The following SYTL3 variants were observed in gnomAD, a reference collection of about 807,000 sequenced individuals.
The protein encoded by SYTL3 is synaptotagmin-like protein 3.
SYTL3 carries 88 observed loss-of-function variants against 82.1 expected under a neutral mutation model. That is an observed-to-expected ratio of 1.07 (90% CI 0.90 to 1.28). The LOEUF (loss-of-function observed/expected upper bound fraction) is 1.28. Among genes scored for constraint, SYTL3 ranks in the 50% most tolerant of loss-of-function variants. The probability of loss-of-function intolerance (pLI) is 0.00; values close to 1 mark genes in which losing one functional copy is unlikely to be tolerated. For synonymous variants in SYTL3, 311 were observed against 289.4 expected, an observed-to-expected ratio of 1.07 and a Z score of -0.76; for missense variants, 831 against 757.6, an observed-to-expected ratio of 1.10 and a Z score of -1.14.
intron 11 of SYTL3, among the ~76,000 whole-genome samples, chr6:158,743,099 CTT>C (rs1787146579): frequency 6.6e-6 from 1 of 152,186 alleles, no homozygotes; most frequent in Non-Finnish European, 1.5e-5. Context: ...TTCTGAGTCT[CTT>C]TGCCATTTCA....
At chr6:158,761,972 C>T (rs1790039829) in intron 15 of SYTL3, 104 bp from the exon 16 acceptor site, 1 of 765,292 alleles carries the variant, frequency 1.3e-6, no homozygotes, top group Non-Finnish European at 2.2e-6. Flanking sequence ...GGTCTGAGGG[C>T]TGTAGCAGAT....
chr6:158,753,247 A>G (rs969820576), intron 13 of SYTL3, among the ~76,000 whole-genome samples: 3 of 151,614 alleles, frequency 2.0e-5, no homozygotes, highest in African/African-American at 7.3e-5. Context: ...ATGGCCAGCA[A>G]ATTTTTTGTG....
In SYTL3 at chr6:158,693,845, T is replaced by TTTTAC. The variant is rs1562384145; in HGVS notation, c.394+10859_394+10860insACTTT. 3.8e-4 allele frequency among the ~76,000 whole-genome samples: 29 copies of TTTTAC among 76,814 alleles called. 1 individual carries two copies. Among genetic ancestry groups the TTTTAC allele is most frequent in the South Asian group, 4.4e-4 (1 of 2,258 alleles). The allele number at this position is 76,814 out of a possible 152,430, so 50.4% of individuals were successfully genotyped here. A position where few individuals can be genotyped will look rare whatever the true frequency, so the allele number is the denominator to read the frequency against. On this transcript the variant is annotated intron_variant, in intron 6 of 17. Transcript: ENST00000611299. ...GGTGTGCCACTGCATCCAGCCTTTC[T>TTTTAC]TTTTCTTTTCTTTTTTTTTTTTTTT...
At chr6:158,697,976 T>C (rs1448311015) in intron 6 of SYTL3, among the ~76,000 whole-genome samples, 1 of 152,206 alleles carries the variant, frequency 6.6e-6, no homozygotes, top group Non-Finnish European at 1.5e-5. Flanking sequence ...CTGTTAGTAA[T>C]TGTTGCTCCC....
chr6:158,658,735 G>C lies in SYTL3; in HGVS notation c.-636-2534G>C, dbSNP rs561452282. Among the ~76,000 whole-genome samples the C allele has an allele frequency of 5.3e-5, 8 of 150,824 alleles. No individual in the cohort carries two copies. In the East Asian group the frequency reaches 1.6e-3, roughly 30 times the overall value. ...AAGTCAGGAGTTTGAGACCAGCCTG[G>C]CCAACATGGTGAAACCCTGTCTGTA... On this transcript the variant is annotated intron_variant, in intron 2 of 17. Coordinates refer to ENST00000611299, the MANE Select transcript of SYTL3 (RefSeq NM_001242394.2).
Position 158,665,458 on chromosome 6 carries a change from CAA to C in SYTL3, c.176_177del (p.Lys59ArgfsTer63), listed in dbSNP as rs1403184960. The C allele has an allele frequency of 6.2e-7, 1 of 1,608,982 alleles. No homozygotes were observed. Among genetic ancestry groups the C allele is most frequent in the African/African-American group, 1.3e-5 (1 of 74,876 alleles). The part of the protein sequence containing the change: ...KGAKNTDWEH[K>X]EKCCARCQQV... ...GAGCGAAGAACACGGACTGGGAGCACAAAGAGAAGTGCTGTGCGCGCTGCCAG... is the reference window on the plus strand; with the variant it reads ...GAGCGAAGAACACGGACTGGGAGCACAGAGAAGTGCTGTGCGCGCTGCCAG... On this transcript the variant is annotated frameshift_variant, in exon 5 of 18. Coordinates refer to ENST00000611299, the MANE Select transcript of SYTL3 (RefSeq NM_001242394.2). LOFTEE classifies it high-confidence loss of function.
At position 158,672,029 on chromosome 6, in the gene SYTL3, A is replaced by G. The variant is rs181458202; in HGVS notation, c.329+6416A>G. Among the ~76,000 whole-genome samples the G allele has an allele frequency of 9.3e-4, 140 of 151,312 alleles. 1 individual carries two copies. The highest frequency in any genetic ancestry group is 9.1e-3 in the Admixed American group (139 of 15,220). ...GCCTCCTTAAGAAGTTTTTCCTCAC[A>G]CCTGTAATCCCAGCACTTTGGGAGG... On this transcript the variant is annotated intron_variant, in intron 5 of 17. Transcript: ENST00000611299.
chr6:158,678,516 GT>G (rs1778309650), intron 5 of SYTL3, among the ~76,000 whole-genome samples: 1 of 152,192 alleles, frequency 6.6e-6, no homozygotes, highest in South Asian at 2.1e-4. Flanking sequence ...ATATTTTCTG[GT>G]AGAGTCCTCC....
intron 9 of SYTL3, among the ~76,000 whole-genome samples, chr6:158,714,997 C>G (rs1783189418): frequency 6.6e-6 from 1 of 152,176 alleles, no homozygotes; most frequent in Non-Finnish European, 1.5e-5. Flanking sequence ...GGCCTGTTTG[C>G]TAAGAGCGTT....
intron 5 of SYTL3, among the ~76,000 whole-genome samples, chr6:158,674,688 C>T (rs966672046): frequency 1.3e-5 from 2 of 152,188 alleles, no homozygotes; most frequent in African/African-American, 2.4e-5. Context: ...TAAACAAGTA[C>T]GGCTCTGTCC....
intron 6 of SYTL3, among the ~76,000 whole-genome samples, chr6:158,699,640 T>A (rs1193575124): frequency 1.3e-5 from 2 of 152,100 alleles, no homozygotes. Flanking sequence ...ATTCTTTTTT[T>A]ATTATTATTT....
At chr6:158,687,200 G>T (rs1779392537) in intron 6 of SYTL3, among the ~76,000 whole-genome samples, 1 of 152,176 alleles carries the variant, frequency 6.6e-6, no homozygotes, top group Non-Finnish European at 1.5e-5. Flanking sequence ...TCTGTCTTCA[G>T]TGGAAGGCTC....
chr6:158,675,746 G>C (rs1475177143), intron 5 of SYTL3, among the ~76,000 whole-genome samples: 1 of 152,214 alleles, frequency 6.6e-6, no homozygotes, highest in Non-Finnish European at 1.5e-5. Context: ...AGGAGATCGA[G>C]ACCATCCTGG....
At chr6:158,739,870 C>A (rs555695650) in intron 11 of SYTL3, among the ~76,000 whole-genome samples, 2 of 152,250 alleles carry the variant, frequency 1.3e-5, no homozygotes, top group Non-Finnish European at 2.9e-5. Context: ...CTGTGCTTCA[C>A]TCCAAATATT....
At chr6:158,711,913 G>C (rs1318166395) in intron 8 of SYTL3, among the ~76,000 whole-genome samples, 3 of 152,164 alleles carry the variant, frequency 2.0e-5, no homozygotes, top group Non-Finnish European at 4.4e-5. Flanking sequence ...ACTGCAACCT[G>C]TTTTATCAGC....
At chr6:158,748,105 G>A (rs1787902889) in intron 12 of SYTL3, among the ~76,000 whole-genome samples, 1 of 140,788 alleles carries the variant, frequency 7.1e-6, no homozygotes, top group African/African-American at 2.7e-5. Flanking sequence ...ACTTAGATCT[G>A]TTCACATTAC....
At chr6:158,733,971 G>A (rs1004098223) in intron 11 of SYTL3, among the ~76,000 whole-genome samples, 7 of 151,474 alleles carry the variant, frequency 4.6e-5, no homozygotes, top group South Asian at 4.2e-4. Flanking sequence ...GATGGCGGGC[G>A]CCTGTAGTCC....
chr6:158,719,718 G>A (rs1049476223), intron 10 of SYTL3, among the ~76,000 whole-genome samples: 4 of 152,350 alleles, frequency 2.6e-5, no homozygotes, highest in East Asian at 1.9e-4. Flanking sequence ...TGTGCCACAC[G>A]TGGTGGCAGC....
intron 5 of SYTL3, among the ~76,000 whole-genome samples, chr6:158,672,008 C>G (rs1219422789): frequency 6.6e-6 from 1 of 152,010 alleles, no homozygotes; most frequent in Non-Finnish European, 1.5e-5. Flanking sequence ...TGAATTGCCT[C>G]CTTAAGAAGT....
Sources: gnomAD v4.1 joint callset for allele counts (sites outside exome capture counted in the v4.1 genomes callset) on GRCh38, gnomAD v4.1.1 for gene constraint, MANE v1.5 for transcripts, NCBI Gene and HGNC (gene_info 2026-07-23, HGNC 2026-07-21) for gene names.